CADPS: variants seen among roughly 807,000 people sequenced by gnomAD.
CADPS encodes the protein calcium-dependent secretion activator 1.
In CADPS, 57 loss-of-function variants were observed where a neutral mutation model predicts 167.3. That is an observed-to-expected ratio of 0.34 (90% CI 0.28 to 0.42). The LOEUF is 0.42. CADPS is among the 20% of genes least tolerant of loss of function. CADPS has a pLI of 1.00. For synonymous variants in CADPS, 676 were observed against 635.3 expected (o/e 1.06, Z -0.96); for missense variants, 1,414 against 1,738.1 (o/e 0.81, Z 3.32).
chr3:62,697,357 A>T (rs566456982), intron 3 of CADPS, among the ~76,000 whole-genome samples: 8 of 152,014 alleles, frequency 5.3e-5, no homozygotes, highest in Admixed American at 5.2e-4. Flanking sequence ...GTGAGAGCAT[A>T]TGATGTTTGG....
At position 62,478,131 on chromosome 3, in the gene CADPS, C is replaced by G. The variant is rs988271251; in HGVS notation, c.3329+130G>C. The G allele has an allele frequency of 1.3e-5, 13 of 1,039,334 alleles. No individual in the cohort carries two copies. Among genetic ancestry groups the G allele is most frequent in the Non-Finnish European group, 1.8e-5 (13 of 706,188 alleles). The allele number at this position is 1,039,334 out of a possible 1,614,324, so 64.4% of individuals were successfully genotyped here. A position where few individuals can be genotyped will look rare whatever the true frequency, so the allele number is the denominator to read the frequency against. On this transcript the variant is annotated intron_variant, in intron 23 of 29. Transcript: ENST00000383710. The surrounding 1 kb of genome is among the most constrained non-coding windows in gnomAD (Gnocchi z 5.7). ...CGTTGACAGCCACTACTCCAGCTGA[C>G]TTTGACAAGCAATCCCCTTCTCCAA...
intron 3 of CADPS, among the ~76,000 whole-genome samples, chr3:62,718,911 G>A (rs1024778362): frequency 2.0e-5 from 3 of 152,224 alleles, no homozygotes; most frequent in African/African-American, 4.8e-5. Flanking sequence ...CGGGCTTTGG[G>A]TTTGGAGACA....
intron 23 of CADPS, among the ~76,000 whole-genome samples, chr3:62,477,275 T>C (rs1343738452): frequency 6.6e-6 from 1 of 150,406 alleles, no homozygotes; most frequent in Non-Finnish European, 1.5e-5. Flanking sequence ...CTACACAACA[T>C]CTGGAGATTT....
At chr3:62,607,176 T>C (rs1387643468) in intron 6 of CADPS, among the ~76,000 whole-genome samples, 1 of 152,222 alleles carries the variant, frequency 6.6e-6, no homozygotes, top group African/African-American at 2.4e-5. Context: ...TTGCATATTA[T>C]ATAAAGTCCA....
At chr3:62,712,685 G>A (rs2083630272) in intron 3 of CADPS, among the ~76,000 whole-genome samples, 1 of 152,194 alleles carries the variant, frequency 6.6e-6, no homozygotes. Context: ...TTTGGAATGA[G>A]GCAGGGTTAT....
At chr3:62,604,535 G>A (rs1275558839) in intron 6 of CADPS, among the ~76,000 whole-genome samples, 3 of 152,242 alleles carry the variant, frequency 2.0e-5, no homozygotes, top group Admixed American at 6.5e-5. Context: ...AAAATACAGA[G>A]TTGGGCAACA....
chr3:62,756,171 G>C (rs1257626700), intron 2 of CADPS, among the ~76,000 whole-genome samples: 1 of 151,678 alleles, frequency 6.6e-6, no homozygotes, highest in Non-Finnish European at 1.5e-5. Context: ...TCCTGCCTCA[G>C]ACTCCCAAGT....
chr3:62,532,940 C>T lies in CADPS; in HGVS notation c.2222G>A (p.Gly741Asp), dbSNP rs2074016717. ...LRDLLERAEN[G>D]AMIDPTLLHY... ...AAGAAGGGTGGGGTCGATCATGGCG[C>T]CATTTTCTGCCCGTTCAAGCAAGTC... The change falls in exon 13 of 30, where the codon GGC becomes GAC. Residue 741 changes from glycine (G) to aspartate (D), a missense_variant. Physicochemically the swap from Gly to Asp is moderately conservative, Grantham distance 94. This residue lies in a region of CADPS where 529 missense variants were observed against 629.6 expected (regional missense o/e 0.84). Transcript: ENST00000383710. 3 of 1,613,812 alleles carry T rather than the reference C, an allele frequency of 1.9e-6. No homozygotes were observed. The highest frequency in any genetic ancestry group is 2.5e-6 in the Non-Finnish European group (3 of 1,179,852).
intron 6 of CADPS, among the ~76,000 whole-genome samples, chr3:62,620,336 A>G (rs73840533): frequency 0.15 from 22,973 of 152,120 alleles, 1,804 homozygotes; most frequent in South Asian, 0.21. Context: ...GAGCACCACA[A>G]TCACAGCAAG....
At chr3:62,607,142 G>C (rs1234083982) in intron 6 of CADPS, among the ~76,000 whole-genome samples, 1 of 152,186 alleles carries the variant, frequency 6.6e-6, no homozygotes, top group African/African-American at 2.4e-5. Context: ...ACATTATGCA[G>C]TGCCCAGAGA....
chr3:62,687,697 A>G (rs1179088130), intron 3 of CADPS, among the ~76,000 whole-genome samples: 1 of 137,992 alleles, frequency 7.2e-6, no homozygotes, highest in Non-Finnish European at 1.6e-5. Flanking sequence ...AACATTGTGT[A>G]TTGAGTTTTC....
rs528361855 is a variant in CADPS at position 62,767,641 on chromosome 3, T to C, written c.442-1657A>G. Among the ~76,000 whole-genome samples the C allele has an allele frequency of 2.0e-4, 30 of 152,288 alleles. No homozygotes were observed. In the Middle Eastern group the frequency reaches 0.034, roughly 173 times the overall value. The stretch of plus-strand genomic sequence containing the variant: ...ACAGATGGAAGCTGGGTGCTTTCAT[T>C]AATTTTTGTATCTTTGGAAGAAGTT... On this transcript the variant is annotated intron_variant, in intron 1 of 29. Coordinates refer to ENST00000383710, the MANE Select transcript of CADPS (RefSeq NM_003716.4).
At chr3:62,726,262 A>T (rs2076725870) in intron 3 of CADPS, among the ~76,000 whole-genome samples, 1 of 151,892 alleles carries the variant, frequency 6.6e-6, no homozygotes, top group African/African-American at 2.4e-5. Context: ...GATGACAGGC[A>T]CAAAGATGTC....
At chr3:62,785,361 G>T (rs759402547) in intron 1 of CADPS, among the ~76,000 whole-genome samples, 3 of 152,172 alleles carry the variant, frequency 2.0e-5, no homozygotes, top group Non-Finnish European at 4.4e-5. Flanking sequence ...CTAGCACTGT[G>T]AGAGTTTCAT....
At chr3:62,736,157 G>C (rs1258289460) in intron 3 of CADPS, among the ~76,000 whole-genome samples, 1 of 152,110 alleles carries the variant, frequency 6.6e-6, no homozygotes, top group Non-Finnish European at 1.5e-5. Flanking sequence ...ACCTGTCCAG[G>C]TATCATTTTC....
chr3:62,606,996 C>A (rs2060784431), intron 6 of CADPS, among the ~76,000 whole-genome samples: 1 of 152,232 alleles, frequency 6.6e-6, no homozygotes, highest in Non-Finnish European at 1.5e-5. Context: ...ATGACTATGG[C>A]TTTAAGCCAC....
intron 3 of CADPS, among the ~76,000 whole-genome samples, chr3:62,727,390 G>C (rs1036075057): frequency 6.6e-6 from 1 of 151,864 alleles, no homozygotes; most frequent in Non-Finnish European, 1.5e-5. Flanking sequence ...TTCAAAATAG[G>C]CAAAACTAAT....
intron 18 of CADPS, among the ~76,000 whole-genome samples, chr3:62,495,064 T>C (rs2064472618): frequency 6.6e-6 from 1 of 152,168 alleles, no homozygotes; most frequent in African/African-American, 2.4e-5. Flanking sequence ...ATTTAATATA[T>C]TATTGAGCAA....
intron 3 of CADPS, among the ~76,000 whole-genome samples, chr3:62,746,079 G>A (rs1348652136): frequency 3.3e-5 from 5 of 152,178 alleles, no homozygotes; most frequent in African/African-American, 4.8e-5. Context: ...ACCTGAAGGA[G>A]CCAGCCTTAT....
Sources: allele counts gnomAD v4.1 joint callset (sites outside exome capture counted in the v4.1 genomes callset), GRCh38; gene constraint gnomAD v4.1.1; regional missense constraint gnomAD v4.1.1; non-coding constraint Gnocchi (gnomAD v3.1); transcripts MANE v1.5; gene names NCBI Gene and HGNC (gene_info 2026-07-23, HGNC 2026-07-21).